The following CFAP69 variants were observed in gnomAD, a reference collection of about 807,000 sequenced individuals.
CFAP69 encodes the protein cilia and flagella associated protein 69.
In CFAP69, 92 loss-of-function variants were observed where a neutral mutation model predicts 123.0. The observed-to-expected ratio is 0.75, with a 90% confidence interval of 0.63 to 0.89. The LOEUF is 0.89. Ranked by LOEUF, CFAP69 falls within the 40% of genes least tolerant of loss-of-function variation. The pLI, the probability that CFAP69 is intolerant of heterozygous loss-of-function variation, is 0.00. For synonymous variants in CFAP69, 380 were observed against 364.3 expected (o/e 1.04, Z -0.49); for missense variants, 1,067 against 1,096.9 (o/e 0.97, Z 0.39).
At chr7:90,275,703 G>A (rs1166329328) in intron 9 of CFAP69, among the ~76,000 whole-genome samples, 3 of 141,130 alleles carry the variant, frequency 2.1e-5, no homozygotes, top group East Asian at 2.3e-4. Context: ...CCGGGTTTGC[G>A]CCATTCTCCT....
intron 11 of CFAP69, 134 bp downstream of exon 11, chr7:90,277,468 G>T: frequency 1.4e-6 from 1 of 702,424 alleles, no homozygotes. Flanking sequence ...TTACTGGCCT[G>T]AATTTTAGCT....
At chr7:90,280,201 C>T (rs1562884483) in intron 12 of CFAP69, among the ~76,000 whole-genome samples, 2 of 151,772 alleles carry the variant, frequency 1.3e-5, no homozygotes, top group Non-Finnish European at 2.9e-5. Flanking sequence ...ATTTTATTTG[C>T]TTTGTTTGTT....
chr7:90,280,176 A>C (rs946877511), intron 12 of CFAP69, among the ~76,000 whole-genome samples: 4 of 151,656 alleles, frequency 2.6e-5, no homozygotes, highest in Non-Finnish European at 5.9e-5. Context: ...TGGGAAGAAA[A>C]TAAATGCTGG....
intron 22 of CFAP69, among the ~76,000 whole-genome samples, chr7:90,309,767 A>G (rs1315955311): frequency 6.6e-6 from 1 of 152,168 alleles, no homozygotes; most frequent in Non-Finnish European, 1.5e-5. Flanking sequence ...TTGTCCTTAT[A>G]TCTCTTTAAC....
chr7:90,264,673 GT>G (rs944588229), intron 4 of CFAP69, among the ~76,000 whole-genome samples: 1 of 151,912 alleles, frequency 6.6e-6, no homozygotes, highest in African/African-American at 2.4e-5. Context: ...GGGTTCCTAA[GT>G]TTTTTTATTC....
At chr7:90,299,810 G>C in intron 16 of CFAP69, 57 bp from the exon 17 acceptor site, 3 of 1,245,846 alleles carry the variant, frequency 2.4e-6, no homozygotes, top group Non-Finnish European at 3.3e-6. Flanking sequence ...TTTTTTTGAA[G>C]ACAATAATTC....
chr7:90,317,225 C>G, the CFAP69 span: 4 of 152,052 alleles, frequency 2.6e-5, no homozygotes, highest in Non-Finnish European at 5.9e-5. Flanking sequence ...TGTGACTCCT[C>G]TCAAATGAAT....
intron 13 of CFAP69, among the ~76,000 whole-genome samples, chr7:90,284,033 C>T (rs191402487): frequency 1.4e-4 from 22 of 152,176 alleles, no homozygotes; most frequent in Non-Finnish European, 2.9e-4. Flanking sequence ...CATTCTGTTG[C>T]ACAAAACTCA....
In CFAP69 at chr7:90,299,959, A is replaced by G; in HGVS notation, c.1950A>G (p.Gln650=). The G allele has an allele frequency of 6.2e-7, 1 of 1,612,378 alleles. No individual in the cohort carries two copies. Among genetic ancestry groups the G allele is most frequent in the Non-Finnish European group, 8.5e-7 (1 of 1,179,184 alleles). Residue 650 remains glutamine (Q), a synonymous_variant, in exon 17 of 23, where the codon CAA becomes CAG. Transcript: ENST00000389297. ...PKTAAHVNAW[Q]GKKDQTAASL... ...CTGCAGCTCATGTCAATGCTTGGCA[A>G]GGGAAGAAGGATCAGACAGCTGCTA...
At chr7:90,316,050 C>A (rs563453543), downstream of CFAP69, among the ~76,000 whole-genome samples, 1 of 152,106 alleles carries the variant, frequency 6.6e-6, no homozygotes, top group African/African-American at 2.4e-5. Flanking sequence ...GCCAAGATCA[C>A]GCCATTGCAC....
intron 16 of CFAP69, among the ~76,000 whole-genome samples, chr7:90,298,644 G>A (rs948708563): frequency 2.6e-5 from 4 of 152,186 alleles, no homozygotes; most frequent in South Asian, 2.1e-4. Context: ...TTCTTTACCT[G>A]TAAAACAGAG....
intron 9 of CFAP69, among the ~76,000 whole-genome samples, chr7:90,274,424 C>A (rs758247549): frequency 2.0e-5 from 3 of 152,118 alleles, no homozygotes; most frequent in Non-Finnish European, 4.4e-5. Context: ...TTTACAATTT[C>A]TTGTGGTGCA....
intron 1 of CFAP69, among the ~76,000 whole-genome samples, chr7:90,253,246 G>T (rs759109606): frequency 5.3e-5 from 8 of 152,118 alleles, no homozygotes; most frequent in Non-Finnish European, 1.0e-4. Context: ...AGGTAGCAAG[G>T]CATTAACCCC....
chr7:90,275,486 T>C (rs1328869867), intron 9 of CFAP69, among the ~76,000 whole-genome samples: 1 of 151,894 alleles, frequency 6.6e-6, no homozygotes, highest in African/African-American at 2.4e-5. Flanking sequence ...ATGGCTGTGG[T>C]TGCCTCTGCC....
At chr7:90,273,044 A>T (rs1338210709) in intron 8 of CFAP69, among the ~76,000 whole-genome samples, 3 of 152,226 alleles carry the variant, frequency 2.0e-5, no homozygotes, top group Non-Finnish European at 2.9e-5. Flanking sequence ...AGTAGGTCCC[A>T]GGAGGCAAAG....
At position 90,307,058 on chromosome 7, in the gene CFAP69, C is replaced by A. The variant is rs762967645; in HGVS notation, c.2423C>A (p.Ala808Glu). The A allele has an allele frequency of 2.5e-6, 4 of 1,611,446 alleles. No individual in the cohort carries two copies. Among genetic ancestry groups the A allele is most frequent in the Non-Finnish European group, 3.4e-6 (4 of 1,179,390 alleles). ...SLQSDIIESQ[A>E]CQDMQNEQKV... ...CAAAGTGATATAATTGAAAGCCAAG[C>A]ATGCCAAGACATGCAAAATGAACAA... Residue 808 changes from alanine (A) to glutamate (E), a missense_variant, in exon 20 of 23, where the codon GCA becomes GAA. Ala to Glu is a moderately radical substitution (Grantham distance 107, BLOSUM62 -1). Transcript: ENST00000389297.
intron 22 of CFAP69, 92 bp from the exon 23 acceptor site, chr7:90,309,976 C>A: frequency 9.5e-7 from 1 of 1,055,704 alleles, no homozygotes; most frequent in Non-Finnish European, 1.4e-6. Flanking sequence ...ACATTTGTGT[C>A]TTTTCAAAAG....
chr7:90,305,398 AT>A lies in CFAP69; in HGVS notation c.2265+580del, dbSNP rs1793430372. On this transcript the variant is annotated intron_variant, in intron 19 of 22. Transcript: ENST00000389297. Reference sequence around the variant, plus strand: ...CAGAAGCCTAGCAAAAAAAAAAAAAATTATTTTTATGAGATGGAGATTTTGC... The same window carrying A: ...CAGAAGCCTAGCAAAAAAAAAAAAAATATTTTTATGAGATGGAGATTTTGC... 2.0e-5 allele frequency among the ~76,000 whole-genome samples: 3 copies of A among 150,320 alleles called. No homozygotes were observed. The South Asian group carries it at 6.4e-4, about 32-fold the overall frequency.
At position 90,273,974 on chromosome 7, in the gene CFAP69, T is replaced by C; in HGVS notation, c.861-13T>C. On this transcript the variant is annotated splice_polypyrimidine_tract_variant and intron_variant, in intron 8 of 22. Transcript: ENST00000389297. Reference sequence around the variant, plus strand: ...TAACAATATAGTTTTTAAAATATGATTTTACTTTCTAGGGCTTTGAAGGAA... The same window carrying C: ...TAACAATATAGTTTTTAAAATATGACTTTACTTTCTAGGGCTTTGAAGGAA... 1.9e-6 allele frequency: 3 copies of C among 1,561,894 alleles called. No homozygotes were observed. In the South Asian group the frequency reaches 3.6e-5, roughly 19 times the overall value.
Sources: gnomAD v4.1 joint callset for allele counts (sites outside exome capture counted in the v4.1 genomes callset) on GRCh38, gnomAD v4.1.1 for gene constraint, MANE v1.5 for transcripts, NCBI Gene and HGNC (gene_info 2026-07-23, HGNC 2026-07-21) for gene names.